The following CYP4F11 variants were observed in gnomAD, a reference collection of about 807,000 sequenced individuals.
CYP4F11 encodes cytochrome P450 4F11.
CYP4F11 carries 79 observed loss-of-function variants against 62.2 expected under a neutral mutation model. That is an observed-to-expected ratio of 1.27 (90% CI 1.06 to 1.53). The LOEUF (loss-of-function observed/expected upper bound fraction) is 1.53, where lower values mean the gene tolerates loss of function less well. CYP4F11 is among the 40% of genes most tolerant of loss of function. The probability of loss-of-function intolerance (pLI) is 0.00; values close to 1 mark genes in which losing one functional copy is unlikely to be tolerated. For synonymous variants in CYP4F11, 290 were observed against 263.7 expected, an observed-to-expected ratio of 1.10 and a Z score of -0.97; for missense variants, 777 against 680.5, an observed-to-expected ratio of 1.14 and a Z score of -1.58.
chr19:15,918,407 C>T (rs1403157615), intron 8 of CYP4F11, among the ~76,000 whole-genome samples: 1 of 151,960 alleles, frequency 6.6e-6, no homozygotes. Flanking sequence ...CCTATGTAAC[C>T]AACCTGCATA....
rs775406783 is a variant in CYP4F11, at chr19:15,927,493, T to C, written c.344-10A>G. ...TTGGGTGCGACAGCAGCTGACATGA[T>C]TGAGGACCATCAGTGGCCATGGAGA... On this transcript the variant is annotated splice_polypyrimidine_tract_variant and intron_variant, in intron 2 of 11. Coordinates refer to ENST00000402119, the MANE Select transcript of CYP4F11 (RefSeq NM_021187.4). 9 of 1,613,016 alleles carry C rather than the reference T, an allele frequency of 5.6e-6. No individual in the cohort carries two copies. The highest frequency in any genetic ancestry group is 2.2e-5 in the South Asian group (2 of 91,020).
In CYP4F11 at chr19:15,929,601, C is replaced by A. The variant is rs1336381596; in HGVS notation, c.199G>T (p.Val67Phe). Residue 67 changes from valine to phenylalanine, a missense_variant and splice_region_variant, in exon 2 of 12, where the codon GTC becomes TTC. Physicochemically the swap from Val to Phe is conservative, Grantham distance 50. Transcript: ENST00000402119. ...QNWFWGHQGL[V>F]TPTEEGMKTL... ...TTCATGCCCTCTTCCGTGGGAGTGA[C>A]CTGAAAACAAGGCAGAGGCCGTCAG... 3 of 1,591,580 alleles carry A rather than the reference C, an allele frequency of 1.9e-6. No individual in the cohort carries two copies. The East Asian group carries it at 6.7e-5, about 36-fold the overall frequency.
At chr19:15,928,886 A>C (rs558975307) in intron 2 of CYP4F11, among the ~76,000 whole-genome samples, 1 of 152,236 alleles carries the variant, frequency 6.6e-6, no homozygotes, top group Non-Finnish European at 1.5e-5. Flanking sequence ...ACATCACATA[A>C]ATAGCAGCCC....
chr19:15,924,798 G>T lies in CYP4F11; in HGVS notation c.610C>A (p.Gln204Lys), dbSNP rs558038754. 4 of 1,612,770 alleles carry T rather than the reference G, an allele frequency of 2.5e-6. No individual in the cohort carries two copies. The highest frequency in any genetic ancestry group is 1.3e-5 in the African/African-American group (1 of 74,972). The change falls in exon 5 of 12, where the codon CAG (glutamine) becomes AAG (lysine). Residue 204 changes from glutamine (Q) to lysine (K), a missense_variant. Gln to Lys is a moderately conservative substitution (Grantham distance 53). Coordinates refer to ENST00000402119, the MANE Select transcript of CYP4F11 (RefSeq NM_021187.4). ...CTTTCAAAGCTGAAGACACATTTCT[G>T]CAGACTGTCCAAGGTCATGAGGCTG... is the stretch of plus-strand genomic sequence containing the variant. ...HISLMTLDSL[Q>K]KCVFSFESNC...
intron 4 of CYP4F11, 135 bp downstream of exon 4, chr19:15,927,077 T>C: frequency 9.7e-7 from 1 of 1,035,408 alleles, no homozygotes; most frequent in East Asian, 2.5e-5. Context: ...GTTATTCCCA[T>C]TTTACAGATA....
At chr19:15,931,209 C>T (rs781348732) in intron 1 of CYP4F11, among the ~76,000 whole-genome samples, 1 of 151,872 alleles carries the variant, frequency 6.6e-6, no homozygotes. Flanking sequence ...GCCCACACTT[C>T]TCTTCTGGAC....
In CYP4F11 at chr19:15,927,324, A is replaced by C. The variant is rs1384609202; in HGVS notation, c.413T>G (p.Leu138Arg). 6.2e-7 allele frequency: 1 copy of C among 1,614,174 alleles called. No homozygotes were observed. Among genetic ancestry groups the C allele is most frequent in the East Asian group, 2.2e-5 (1 of 44,886 alleles). ...LKPWLGDGLL[L>R]SGGDKWSRHR... The stretch of plus-strand genomic sequence containing the variant: ...GCGGCTCCACTTGTCACCACCACTC[A>C]GCAGGAGCCCATCCCCTGGCAGGGC... Residue 138 changes from leucine (L) to arginine (R), a missense_variant, in exon 4 of 12, where the codon CTG becomes CGG. Physicochemically the swap from Leu to Arg is moderately radical, Grantham distance 102. Coordinates refer to ENST00000402119, the MANE Select transcript of CYP4F11 (RefSeq NM_021187.4).
At chr19:15,926,549 A>G (rs7249167) in intron 4 of CYP4F11, among the ~76,000 whole-genome samples, 136,878 of 152,262 alleles carry the variant, frequency 0.9, 61,771 homozygotes, top group East Asian at 0.99. Context: ...AGTCTGTGCT[A>G]ACCTAAGCCT....
Position 15,931,479 on chromosome 19 carries a change from C to T in CYP4F11, c.199-1878G>A, listed in dbSNP as rs368257749. Among the ~76,000 whole-genome samples the T allele has an allele frequency of 4.2e-4, 63 of 151,768 alleles. 2 individuals are homozygous for T. The highest frequency in any genetic ancestry group is 6.8e-3 in the Middle Eastern group (2 of 294). ...CAGGCAGGAAAAAGATCCAAGCAGGCTGGAGTGGGAGGACAGGGAGGTGAG... is the reference window on the plus strand; with the variant it reads ...CAGGCAGGAAAAAGATCCAAGCAGGTTGGAGTGGGAGGACAGGGAGGTGAG... On this transcript the variant is annotated intron_variant, in intron 1 of 11. Coordinates refer to ENST00000402119, the MANE Select transcript of CYP4F11 (RefSeq NM_021187.4).
chr19:15,934,152 T>G (rs2089756441), intron 1 of CYP4F11, 59 bp downstream of exon 1: 1 of 1,582,108 alleles, frequency 6.3e-7, no homozygotes, highest in Non-Finnish European at 8.6e-7. Flanking sequence ...GCCCCATTCC[T>G]GCCCCTCAGG....
chr19:15,934,451 G>T lies in CYP4F11; in HGVS notation c.-43C>A. 6.2e-7 allele frequency: 1 copy of T among 1,605,200 alleles called. No homozygotes were observed. Among genetic ancestry groups the T allele is most frequent in the Admixed American group, 1.7e-5 (1 of 58,010 alleles). ...ATGGAGGGTGGGATCCTGAGGCCCA[G>T]GGAAGGGCCCAGGAAGCTCCAAGGA... is the stretch of plus-strand genomic sequence containing the variant. On this transcript the variant is annotated 5_prime_UTR_variant, in exon 1 of 12. In the 5' UTR this introduces an upstream ATG that the reference lacks. Transcript: ENST00000402119.
chr19:15,927,405 A>C (rs764391342), intron 3 of CYP4F11, 25 bp downstream of exon 3: 2 of 1,613,956 alleles, frequency 1.2e-6, no homozygotes, highest in African/African-American at 2.7e-5. Context: ...GGATATCCCC[A>C]ACCCCATTCA....
At position 15,912,544 on chromosome 19, in the gene CYP4F11, G is replaced by A. The variant is rs1228341408; in HGVS notation, c.*1188C>T. 6.6e-6 allele frequency: 1 copy of A among 151,564 alleles called. No homozygotes were observed. Among genetic ancestry groups the A allele is most frequent in the African/African-American group, 2.4e-5 (1 of 41,172 alleles). 9.4% of individuals were successfully genotyped at this position (151,564 alleles called of 1,614,324 possible). On this transcript the variant is annotated 3_prime_UTR_variant, in exon 12 of 12. Transcript: ENST00000402119. ...AGAGAAGTCAACAGGGTTTAGCGAT[G>A]CAACATCCCTTAGGCTATGAAAAGA... is the stretch of plus-strand genomic sequence containing the variant.
chr19:15,931,633 TGAGTGAGC>T (rs1568257571), intron 1 of CYP4F11, among the ~76,000 whole-genome samples: 28 of 60,392 alleles, frequency 4.6e-4, no homozygotes, highest in South Asian at 6.1e-4. Context: ...AGGAGAGGAA[TGAGTGAGC>T]GAGGAGAGGA....
chr19:15,922,835 C>T (rs929715800), intron 6 of CYP4F11, among the ~76,000 whole-genome samples: 1 of 152,092 alleles, frequency 6.6e-6, no homozygotes, highest in Non-Finnish European at 1.5e-5. Flanking sequence ...AGGTGGGTCA[C>T]CTGAGGTCGG....
chr19:15,919,471 T>TATCG (rs1555777246), intron 8 of CYP4F11, among the ~76,000 whole-genome samples: 5 of 136,588 alleles, frequency 3.7e-5, no homozygotes, highest in African/African-American at 1.3e-4. Context: ...TGGACAGATG[T>TATCG]ATAGATAGAT....
chr19:15,932,385 G>C lies in CYP4F11; in HGVS notation c.198+1826C>G, dbSNP rs199728781. Reference sequence around the variant, plus strand: ...GCGGGGAGAGGAATGAGTGAGCGGGGAGAGGAATGAGTGAGTGAGGAGAGG... The same window carrying C: ...GCGGGGAGAGGAATGAGTGAGCGGGCAGAGGAATGAGTGAGTGAGGAGAGG... On this transcript the variant is annotated intron_variant, in intron 1 of 11. Coordinates refer to ENST00000402119, the MANE Select transcript of CYP4F11 (RefSeq NM_021187.4). Among the ~76,000 whole-genome samples the C allele has an allele frequency of 1.5e-4, 13 of 85,660 alleles. 1 individual carries two copies. The highest frequency in any genetic ancestry group is 3.0e-4 in the East Asian group (1 of 3,348). The allele number at this position is 85,660 out of a possible 152,430, so 56.2% of individuals were successfully genotyped here. A position where few individuals can be genotyped will look rare whatever the true frequency, so the allele number is the denominator to read the frequency against.
Position 15,912,723 on chromosome 19 carries a change from GTGTGTGTGTGTATATGTATATA to G in CYP4F11, c.*987_*1008del, listed in dbSNP as rs2089543676. The G allele has an allele frequency of 1.2e-5, 1 of 85,036 alleles. No homozygotes were observed. 5.3% of individuals were successfully genotyped at this position (85,036 alleles called of 1,614,324 possible). A position where few individuals can be genotyped will look rare whatever the true frequency, so the allele number is the denominator to read the frequency against. On this transcript the variant is annotated 3_prime_UTR_variant, in exon 12 of 12. Transcript: ENST00000402119. ...TGTGTGTGTGTGTGTGTGTGTGTGT[GTGTGTGTGTGTATATGTATATA>G]TGTGTGTGTGTGTGTGTGTGTGTGT... is the stretch of plus-strand genomic sequence containing the variant.
chr19:15,920,833 G>A (rs1321733835), intron 8 of CYP4F11, among the ~76,000 whole-genome samples: 1 of 151,962 alleles, frequency 6.6e-6, no homozygotes, highest in Non-Finnish European at 1.5e-5. Context: ...GCCATCTCCA[G>A]GTTCATCATC....
Sources: allele counts gnomAD v4.1 joint callset (sites outside exome capture counted in the v4.1 genomes callset), GRCh38; gene constraint gnomAD v4.1.1; transcripts MANE v1.5; gene names NCBI Gene and HGNC (gene_info 2026-07-23, HGNC 2026-07-21).